CAB39L: variants seen among roughly 807,000 people sequenced by gnomAD.
The protein encoded by CAB39L is calcium binding protein 39 like, also known as calcium-binding protein 39-like.
CAB39L carries 23 observed loss-of-function variants against 39.1 expected under a neutral mutation model. The observed-to-expected ratio is 0.59, with a 90% CI of 0.42 to 0.83. The LOEUF is 0.83. Among genes scored for constraint, CAB39L ranks in the 40% least tolerant of loss-of-function variants. The probability of loss-of-function intolerance (pLI) is 0.00; values close to 1 mark genes in which losing one functional copy is unlikely to be tolerated. For synonymous variants in CAB39L, 126 were observed against 137.2 expected (o/e 0.92, Z 0.57); for missense variants, 366 against 391.9 (o/e 0.93, Z 0.56).
chr13:49,338,660 A>G (rs1020601668), intron 9 of CAB39L, among the ~76,000 whole-genome samples: 7 of 150,608 alleles, frequency 4.6e-5, no homozygotes, highest in African/African-American at 9.9e-5. Context: ...ATAATAAAAG[A>G]AAAAAAAACT....
At chr13:49,346,124 T>TATATATATATATATATATATATATATATA (rs71076079) in intron 7 of CAB39L, among the ~76,000 whole-genome samples, 3 of 116,784 alleles carry the variant, frequency 2.6e-5, no homozygotes, top group East Asian at 6.2e-4. Flanking sequence ...TATATATATA[T>TATATATATATATATATATATATATATATA]CATGGATACA....
intron 4 of CAB39L, among the ~76,000 whole-genome samples, chr13:49,377,898 A>G (rs1462939257): frequency 2.3e-4 from 16 of 68,234 alleles, no homozygotes; most frequent in South Asian, 1.1e-3. Context: ...CATCCCATCT[A>G]GGAAGTGAGG....
At chr13:49,416,761 T>C (rs1047996344) in intron 3 of CAB39L, among the ~76,000 whole-genome samples, 1 of 152,170 alleles carries the variant, frequency 6.6e-6, no homozygotes, top group Non-Finnish European at 1.5e-5. Flanking sequence ...AATGAATTAA[T>C]GTATAAAGTA....
In CAB39L at chr13:49,378,046, C is replaced by T. The variant is rs1404278512; in HGVS notation, c.112-915G>A. The stretch of plus-strand genomic sequence containing the variant: ...GAGGAGTGCCTCTGCCCGGCCGAGA[C>T]CCCGTCTGGGAGGTGAGGAGCGTCT... On this transcript the variant is annotated intron_variant, in intron 4 of 10. Transcript: ENST00000409308. Among the ~76,000 whole-genome samples the T allele has an allele frequency of 3.7e-5, 3 of 81,708 alleles. 1 individual carries two copies. Among genetic ancestry groups the T allele is most frequent in the South Asian group, 4.3e-4 (1 of 2,314 alleles). 53.6% of individuals were successfully genotyped at this position (81,708 alleles called of 152,430 possible).
rs1555268109 is a variant in CAB39L, at chr13:49,439,921, G to GGTTT, written c.-246+4064_-246+4065insAAAC. The stretch of plus-strand genomic sequence containing the variant: ...ATGTCTTTTGACCACTTTTTAATGG[G>GGTTT]TTTTTTTTTTTTTTTTTTTTGCTTG... On this transcript the variant is annotated intron_variant, in intron 1 of 10. Transcript: ENST00000409308. Among the ~76,000 whole-genome samples the GGTTT allele has an allele frequency of 6.4e-5, 5 of 78,540 alleles. No individual in the cohort carries two copies. The Admixed American group carries it at 9.0e-4, about 14-fold the overall frequency. 51.5% of individuals were successfully genotyped at this position (78,540 alleles called of 152,430 possible).
At chr13:49,437,732 T>C (rs1283609471) in intron 1 of CAB39L, among the ~76,000 whole-genome samples, 1 of 152,240 alleles carries the variant, frequency 6.6e-6, no homozygotes, top group African/African-American at 2.4e-5. Context: ...ATGGGTTTTC[T>C]CTTGTTAACC....
chr13:49,381,120 G>A (rs567884236), intron 4 of CAB39L, among the ~76,000 whole-genome samples: 1 of 152,112 alleles, frequency 6.6e-6, no homozygotes, highest in African/African-American at 2.4e-5. Flanking sequence ...TAGAGGCGGG[G>A]TTTCACCATG....
Position 49,444,024 on chromosome 13 carries a change from C to A in CAB39L, c.-284G>T, listed in dbSNP as rs1237616360. On this transcript the variant is annotated 5_prime_UTR_variant, in exon 1 of 11. Transcript: ENST00000409308. ...TGCGCCACCACTCCAGTGATGCCGG[C>A]CTCTCGACTACGAGTAACTCCATTG... 1 of 456,666 alleles carries A rather than the reference C, an allele frequency of 2.2e-6. No individual in the cohort carries two copies. Among genetic ancestry groups the A allele is most frequent in the Admixed American group, 2.3e-5 (1 of 42,574 alleles). 28.3% of individuals were successfully genotyped at this position (456,666 alleles called of 1,614,324 possible).
At chr13:49,442,534 G>A (rs1020634547) in intron 1 of CAB39L, among the ~76,000 whole-genome samples, 1 of 152,126 alleles carries the variant, frequency 6.6e-6, no homozygotes, top group Non-Finnish European at 1.5e-5. Flanking sequence ...GCTCACACCT[G>A]TAATCCCAGC....
intron 10 of CAB39L, 137 bp downstream of exon 10, chr13:49,331,810 C>G: frequency 2.6e-6 from 2 of 782,266 alleles, no homozygotes; most frequent in South Asian, 2.2e-5. Context: ...GAAATTTCAT[C>G]TAAATCATGC....
At chr13:49,336,192 C>G (rs940831837) in intron 9 of CAB39L, among the ~76,000 whole-genome samples, 7 of 150,910 alleles carry the variant, frequency 4.6e-5, no homozygotes, top group African/African-American at 1.7e-4. Context: ...GCTTATTTCA[C>G]AGTCGTCTAC....
rs1209208969 is a variant in CAB39L at position 49,377,388 on chromosome 13, GCTCTCC to G, written c.112-263_112-258del. 9.2e-4 allele frequency among the ~76,000 whole-genome samples: 80 copies of G among 87,362 alleles called. 12 individuals are homozygous for G. Among genetic ancestry groups the G allele is most frequent in the Admixed American group, 5.6e-3 (56 of 9,914 alleles). 57.3% of individuals were successfully genotyped at this position (87,362 alleles called of 152,430 possible). A position where few individuals can be genotyped will look rare whatever the true frequency, so the allele number is the denominator to read the frequency against. ...CGGGGCTATACAAGAAACTTTTTCG[GCTCTCC>G]CTCTCCCTCTCCCTCTCCCTCTGTC... On this transcript the variant is annotated intron_variant, in intron 4 of 10. Transcript: ENST00000409308.
chr13:49,366,332 T>C (rs1390147225), intron 5 of CAB39L, among the ~76,000 whole-genome samples: 2 of 151,980 alleles, frequency 1.3e-5, no homozygotes, highest in African/African-American at 4.8e-5. Flanking sequence ...ATATCTCATA[T>C]ACACTACCTA....
chr13:49,419,853 C>G (rs545142844), intron 3 of CAB39L, among the ~76,000 whole-genome samples: 190 of 152,164 alleles, frequency 1.2e-3, no homozygotes, highest in African/African-American at 4.4e-3. Flanking sequence ...TATTCCATAT[C>G]ATATAGAAGA....
chr13:49,346,639 C>A (rs138324437), intron 7 of CAB39L, among the ~76,000 whole-genome samples: 3,018 of 152,220 alleles, frequency 0.02, 70 homozygotes, highest in South Asian at 0.059. Context: ...GAGGAGCCAG[C>A]GACAGCTGCC....
chr13:49,406,427 A>G (rs1956880559), intron 3 of CAB39L, among the ~76,000 whole-genome samples: 1 of 144,908 alleles, frequency 6.9e-6, no homozygotes, highest in Non-Finnish European at 1.5e-5. Flanking sequence ...TGATCCGCCT[A>G]CCTCGGCCTC....
chr13:49,427,821 T>C (rs1318509617), intron 3 of CAB39L, among the ~76,000 whole-genome samples: 1 of 152,182 alleles, frequency 6.6e-6, no homozygotes, highest in Non-Finnish European at 1.5e-5. Flanking sequence ...AAGATGAAGG[T>C]GTCAGCAGAT....
chr13:49,347,542 A>G (rs1007924548), intron 7 of CAB39L, among the ~76,000 whole-genome samples: 1 of 152,196 alleles, frequency 6.6e-6, no homozygotes, highest in Non-Finnish European at 1.5e-5. Flanking sequence ...GAAAGGGGAA[A>G]AAAATGGGAC....
At chr13:49,371,816 T>A (rs755671687) in intron 5 of CAB39L, among the ~76,000 whole-genome samples, 4 of 152,074 alleles carry the variant, frequency 2.6e-5, no homozygotes, top group Non-Finnish European at 5.9e-5. Flanking sequence ...GGTCTCAAAC[T>A]CCTGGGCTCA....
Sources: gnomAD v4.1 joint callset for allele counts (sites outside exome capture counted in the v4.1 genomes callset) on GRCh38, gnomAD v4.1.1 for gene constraint, MANE v1.5 for transcripts, NCBI Gene and HGNC (gene_info 2026-07-23, HGNC 2026-07-21) for gene names.